The following MYBPHL variants were observed in gnomAD, a reference collection of about 807,000 sequenced individuals.
MYBPHL encodes myosin-binding protein H-like.
In MYBPHL, 32 loss-of-function variants were observed where a neutral mutation model predicts 39.5. The observed-to-expected ratio is 0.81, with a 90% CI of 0.61 to 1.09. The LOEUF is 1.09. Ranked by LOEUF, MYBPHL falls within the 50% of genes least tolerant of loss-of-function variation. The pLI is 0.00. For missense variants in MYBPHL, 456 were observed against 460.2 expected, an observed-to-expected ratio of 0.99 and a Z score of 0.08; for synonymous variants, 196 against 183.7, an observed-to-expected ratio of 1.07 and a Z score of -0.54.
At chr1:109,294,580 AAC>A (rs1657987568) in intron 7 of MYBPHL, among the ~76,000 whole-genome samples, 1 of 152,250 alleles carries the variant, frequency 6.6e-6, no homozygotes, top group African/African-American at 2.4e-5. Context: ...CAGTATGTTA[AAC>A]ACAATGATAG....
rs368167969 is a variant in MYBPHL at position 109,306,971 on chromosome 1, C to T, written c.21G>A (p.Pro7=). The change falls in exon 1 of 9, where the codon CCG becomes CCA. Residue 7 remains proline (P), a synonymous_variant. Coordinates refer to ENST00000357155, the MANE Select transcript of MYBPHL (RefSeq NM_001010985.3). MEAATA[P]EVAAGSKLKV... is the part of the protein sequence containing the mutation. ...TCAGCTTGGATCCTGCGGCCACCTC[C>T]GGAGCTGTGGCTGCCTCCATGCTGG... 2.5e-5 allele frequency: 40 copies of T among 1,610,978 alleles called. No homozygotes were observed. The highest frequency in any genetic ancestry group is 1.2e-4 in the Admixed American group (7 of 59,636).
chr1:109,294,744 C>G (rs1253260808), intron 7 of MYBPHL, among the ~76,000 whole-genome samples: 1 of 152,100 alleles, frequency 6.6e-6, no homozygotes, highest in African/African-American at 2.4e-5. Flanking sequence ...CAGAAGATTG[C>G]ACAGCATAAA....
Position 109,298,223 on chromosome 1 carries a change from C to T in MYBPHL, c.180G>A (p.Arg60=), listed in dbSNP as rs376631272. 2.0e-5 allele frequency: 33 copies of T among 1,609,932 alleles called. No individual in the cohort carries two copies. Among genetic ancestry groups the T allele is most frequent in the Non-Finnish European group, 2.8e-5 (33 of 1,178,302 alleles). Residue 60 remains arginine, a synonymous_variant, in exon 2 of 9, where the codon AGG becomes AGA. Coordinates refer to ENST00000357155, the MANE Select transcript of MYBPHL (RefSeq NM_001010985.3). ...CCCCAACCTTCCGGATGTAGGTCTG[C>T]CTCAGGGCCCGAGGTAGCCAGATCT... ...HPKIWLPRAL[R]QTYIRKVGDT...
chr1:109,302,251 A>G (rs1440998668), intron 1 of MYBPHL, among the ~76,000 whole-genome samples: 4 of 152,124 alleles, frequency 2.6e-5, no homozygotes, highest in Non-Finnish European at 4.4e-5. Flanking sequence ...GAGGCTAGCT[A>G]TGGCTTTGAA....
intron 7 of MYBPHL, 77 bp from the exon 8 acceptor site, chr1:109,294,326 G>T: frequency 7.1e-7 from 1 of 1,403,192 alleles, no homozygotes; most frequent in Non-Finnish European, 1.0e-6. Flanking sequence ...CATTAGAAAG[G>T]AATATTCTAT....
intron 1 of MYBPHL, among the ~76,000 whole-genome samples, chr1:109,302,416 A>G (rs1658324044): frequency 6.6e-6 from 1 of 152,148 alleles, no homozygotes; most frequent in South Asian, 2.1e-4. Context: ...CTTGAAGGCC[A>G]TGAAACTAAG....
At chr1:109,304,072 C>T (rs891107123) in intron 1 of MYBPHL, among the ~76,000 whole-genome samples, 5 of 152,180 alleles carry the variant, frequency 3.3e-5, no homozygotes, top group Non-Finnish European at 5.9e-5. Flanking sequence ...ACCCGAAGCA[C>T]GTTCTATCCC....
At chr1:109,306,723 A>C (rs2101495796) in intron 1 of MYBPHL, 124 bp downstream of exon 1, 1 of 779,992 alleles carries the variant, frequency 1.3e-6, no homozygotes, top group Non-Finnish European at 1.9e-6. Context: ...TCTCCAGCCT[A>C]ATCACCAATC....
At position 109,297,066 on chromosome 1, in the gene MYBPHL, G is replaced by A. The variant is rs1256465331; in HGVS notation, c.554C>T (p.Ala185Val). The change falls in exon 4 of 9, where the codon GCT (alanine) becomes GTT (valine). Residue 185 changes from alanine (A) to valine (V), a missense_variant. Ala to Val is a moderately conservative substitution (Grantham distance 64). Transcript: ENST00000357155. ...TALLGYTVQK[A>V]DTKSGLWFTV... The stretch of plus-strand genomic sequence containing the variant: ...TGGCCTCACCCCGGATTTTGTGTCA[G>A]CCTTCTGCACCGTGTATCCCAGAAG... The A allele has an allele frequency of 6.2e-7, 1 of 1,614,138 alleles. No homozygotes were observed. The highest frequency in any genetic ancestry group is 2.2e-5 in the East Asian group (1 of 44,872).
chr1:109,300,470 G>A (rs1261060497), intron 1 of MYBPHL, among the ~76,000 whole-genome samples: 1 of 152,240 alleles, frequency 6.6e-6, no homozygotes, highest in East Asian at 1.9e-4. Context: ...CTTCATGCCT[G>A]ACAGAAGTGC....
chr1:109,293,778 C>T (rs1193627408), intron 8 of MYBPHL, among the ~76,000 whole-genome samples: 2 of 138,960 alleles, frequency 1.4e-5, no homozygotes, highest in Admixed American at 7.4e-5. Context: ...AAAATGGTTA[C>T]AACAGCTGGG....
chr1:109,295,165 T>C lies in MYBPHL; in HGVS notation c.1000A>G (p.Lys334Glu), dbSNP rs1433245592. The C allele has an allele frequency of 6.2e-7, 1 of 1,613,928 alleles. No individual in the cohort carries two copies. The highest frequency in any genetic ancestry group is 1.3e-5 in the African/African-American group (1 of 74,898). The change falls in exon 7 of 9, where the codon AAG (lysine) becomes GAG (glutamate). Residue 334 changes from lysine to glutamate, a missense_variant. Coordinates refer to ENST00000357155, the MANE Select transcript of MYBPHL (RefSeq NM_001010985.3). ...GCCTCCCCTAGGGGGTTCACCGCCT[T>C]GCAGGTATAGATGCCTCCATCAAAG... is the stretch of plus-strand genomic sequence containing the variant. Reference protein sequence around the residue: ...GPFDGGIYTCKAVNPLGEASV... With the variant: ...GPFDGGIYTCEAVNPLGEASV...
intron 8 of MYBPHL, among the ~76,000 whole-genome samples, chr1:109,293,626 G>C (rs544690810): frequency 5.6e-4 from 85 of 152,098 alleles, no homozygotes; most frequent in Non-Finnish European, 1.0e-3. Flanking sequence ...TGTAGTCCCA[G>C]CTACTCTGGA....
intron 1 of MYBPHL, among the ~76,000 whole-genome samples, chr1:109,303,876 C>G (rs907502600): frequency 6.6e-6 from 1 of 152,210 alleles, no homozygotes; most frequent in African/African-American, 2.4e-5. Flanking sequence ...GCCACAATGG[C>G]CCCAACCCAT....
intron 8 of MYBPHL, among the ~76,000 whole-genome samples, chr1:109,293,540 G>C (rs773613922): frequency 1.3e-5 from 2 of 151,216 alleles, no homozygotes; most frequent in Non-Finnish European, 2.9e-5. Context: ...TCAGGAGATC[G>C]AGACCATCCT....
At chr1:109,293,494 A>C (rs1432506857) in intron 8 of MYBPHL, among the ~76,000 whole-genome samples, 1 of 152,210 alleles carries the variant, frequency 6.6e-6, no homozygotes, top group African/African-American at 2.4e-5. Context: ...CTGTAATCCC[A>C]GCACTTTGGG....
At chr1:109,298,898 G>C (rs1400830063) in intron 1 of MYBPHL, among the ~76,000 whole-genome samples, 1 of 152,100 alleles carries the variant, frequency 6.6e-6, no homozygotes, top group Non-Finnish European at 1.5e-5. Flanking sequence ...ACAGATTCTG[G>C]GACAGATTAG....
intron 1 of MYBPHL, 30 bp downstream of exon 1, chr1:109,306,817 T>G: frequency 1.4e-6 from 2 of 1,411,062 alleles, no homozygotes; most frequent in Non-Finnish European, 1.9e-6. Context: ...CCACCCGGCC[T>G]CCCCACCCTC....
chr1:109,296,893 G>C lies in MYBPHL; in HGVS notation c.620C>G (p.Ser207Cys). The change falls in exon 5 of 9, where the codon TCT becomes TGT. Residue 207 changes from serine to cysteine, a missense_variant. Transcript: ENST00000357155. ...EHYHRTSCIVSDLIIGNSYAF... is the reference protein window; with the variant it reads ...EHYHRTSCIVCDLIIGNSYAF... ...ATAGGAGTTGCCGATGATGAGGTCAGAGACGATGCAGCTGGTGCGGTGATA... is the reference window on the plus strand; with the variant it reads ...ATAGGAGTTGCCGATGATGAGGTCACAGACGATGCAGCTGGTGCGGTGATA... 1 of 1,614,202 alleles carries C rather than the reference G, an allele frequency of 6.2e-7. No homozygotes were observed. Among genetic ancestry groups the C allele is most frequent in the Non-Finnish European group, 8.5e-7 (1 of 1,180,026 alleles).
Sources: gnomAD v4.1 joint callset for allele counts (sites outside exome capture counted in the v4.1 genomes callset) on GRCh38, gnomAD v4.1.1 for gene constraint, MANE v1.5 for transcripts, NCBI Gene and HGNC (gene_info 2026-07-23, HGNC 2026-07-21) for gene names.